FGF13: variants seen among roughly 807,000 people sequenced by gnomAD.
The protein encoded by FGF13 is fibroblast growth factor homologous factor 2.
Under a neutral mutation model 19.5 loss-of-function variants are expected in FGF13, and 2 were observed. That is an observed-to-expected ratio of 0.10 (90% CI 0.04 to 0.32). FGF13 has a LOEUF of 0.32. Ranked by LOEUF, FGF13 falls within the 10% of genes least tolerant of loss-of-function variation. The pLI is 1.00. For synonymous variants in FGF13, 72 were observed against 76.9 expected, an observed-to-expected ratio of 0.94 and a Z score of 0.33; for missense variants, 113 against 192.7, an observed-to-expected ratio of 0.59 and a Z score of 2.45.
At chrX:138,668,675 C>A (rs2089579444) in intron 3 of FGF13, among the ~76,000 whole-genome samples, 1 of 109,175 alleles carries the variant, frequency 9.2e-6, no homozygotes, top group Non-Finnish European at 1.9e-5. Context: ...GAATACAAGA[C>A]AACTACTGAG....
chrX:139,150,680 A>G (rs915794023), intron 1 of FGF13, among the ~76,000 whole-genome samples: 2 of 112,146 alleles, frequency 1.8e-5, no homozygotes, highest in African/African-American at 3.2e-5. Flanking sequence ...ACTGTGCTAG[A>G]TAACTGGCAA....
intron 1 of FGF13, among the ~76,000 whole-genome samples, chrX:139,024,346 C>T: frequency 9.0e-6 from 1 of 111,292 alleles, no homozygotes; most frequent in Admixed American, 9.6e-5. Flanking sequence ...GAGCTCTGGA[C>T]TCCAAGAGCT....
chrX:138,637,728 T>C (rs1272633908), intron 3 of FGF13, among the ~76,000 whole-genome samples: 1 of 111,894 alleles, frequency 8.9e-6, no homozygotes, highest in Non-Finnish European at 1.9e-5. Flanking sequence ...ACAAATGTCA[T>C]AGATACAATG....
At position 138,711,699 on chromosome X, in the gene FGF13, C is replaced by A; in HGVS notation, c.-696G>T. 1.3e-6 allele frequency: 1 copy of A among 753,570 alleles called. No individual in the cohort carries two copies. The highest frequency in any genetic ancestry group is 1.6e-6 in the Non-Finnish European group (1 of 638,354). The allele number at this position is 753,570 out of a possible 1,213,427, so 62.1% of individuals were successfully genotyped here. A position where few individuals can be genotyped will look rare whatever the true frequency, so the allele number is the denominator to read the frequency against. ...CACAGGAATTCAGCCGCCGCAGGCA[C>A]CCTCCGGAACAGCGCGACAGCCTCC... On this transcript the variant is annotated 5_prime_UTR_variant, in exon 1 of 5. Transcript: ENST00000315930.
chrX:138,738,628 G>A (rs1020777721), intron 1 of FGF13, among the ~76,000 whole-genome samples: 1 of 111,451 alleles, frequency 9.0e-6, no homozygotes, highest in Non-Finnish European at 1.9e-5. Context: ...CTGCCTTGCC[G>A]CCATGGAGGA....
chrX:138,993,842 T>A (rs1371091717), intron 1 of FGF13, among the ~76,000 whole-genome samples: 1 of 111,444 alleles, frequency 9.0e-6, no homozygotes, highest in Non-Finnish European at 1.9e-5. Context: ...ATTAAATGAG[T>A]TAAGGTGTAA....
rs185466337 is a variant in FGF13 at position 138,995,402 on chromosome X, T to C, written c.-112-130752A>G. ...TGTCACAGGGGTTTGTTGTAGGTAT[T>C]ATTTCATCACCCAGGTACTAAACCC... On this transcript the variant is annotated intron_variant, in intron 1 of 2. Transcript: ENST00000421460. Among the ~76,000 whole-genome samples, 255 of 111,985 alleles carry C rather than the reference T, an allele frequency of 2.3e-3. 1 individual carries two copies. Among genetic ancestry groups the C allele is most frequent in the African/African-American group, 7.7e-3 (237 of 30,780 alleles).
chrX:138,946,517 T>C (rs983046716), intron 1 of FGF13, among the ~76,000 whole-genome samples: 1 of 112,223 alleles, frequency 8.9e-6, no homozygotes, highest in African/African-American at 3.2e-5. Context: ...TGGGAGTTTG[T>C]CCTGCCTCCA....
intron 1 of FGF13, among the ~76,000 whole-genome samples, chrX:138,957,237 T>C (rs1165357138): frequency 2.7e-5 from 3 of 111,951 alleles, no homozygotes; most frequent in Non-Finnish European, 5.6e-5. Flanking sequence ...GAAGAAACAA[T>C]TAATATATCC....
At chrX:139,100,933 C>G (rs1002677893) in intron 1 of FGF13, among the ~76,000 whole-genome samples, 6 of 111,130 alleles carry the variant, frequency 5.4e-5, no homozygotes, top group African/African-American at 2.0e-4. Context: ...CTACTCTTCT[C>G]CTGTGATACC....
chrX:138,674,215 A>G lies in FGF13; in HGVS notation c.402+28769T>C, dbSNP rs1277048621. Among the ~76,000 whole-genome samples the G allele has an allele frequency of 2.7e-5, 3 of 111,015 alleles. No individual in the cohort carries two copies. The East Asian group carries it at 8.6e-4, about 32-fold the overall frequency. ...TCAGGTTCTTTGTATATGGGAATAC[A>G]CTTAAATCCCTCAACTCTATGACTA... is the stretch of plus-strand genomic sequence containing the variant. On this transcript the variant is annotated intron_variant, in intron 3 of 4. Transcript: ENST00000315930.
chrX:138,740,300 G>A (rs917968273), upstream of FGF13, among the ~76,000 whole-genome samples: 1 of 111,640 alleles, frequency 9.0e-6, no homozygotes, highest in Non-Finnish European at 1.9e-5. Context: ...GAATATTGAA[G>A]AATTACCAAC....
At position 138,812,062 on chromosome X, in the gene FGF13, T is replaced by C. The variant is rs185887448; in HGVS notation, c.217+45450A>G. Among the ~76,000 whole-genome samples the C allele has an allele frequency of 3.6e-5, 4 of 110,066 alleles. No homozygotes were observed. In the East Asian group the frequency reaches 1.2e-3, roughly 32 times the overall value. On this transcript the variant is annotated intron_variant, in intron 3 of 6. Transcript: ENST00000436198. ...AAAGAAACCCCATACCCATTAGCAA[T>C]CACTCTCCATCCCTCCTCCTCCCAG... is the stretch of plus-strand genomic sequence containing the variant.
At chrX:139,017,082 G>GTGTA (rs1556336259) in intron 1 of FGF13, among the ~76,000 whole-genome samples, 1,162 of 101,142 alleles carry the variant, frequency 0.011, 10 homozygotes, top group African/African-American at 0.038. Flanking sequence ...ATACATGTGT[G>GTGTA]TATATATATA....
At chrX:139,009,425 G>A (rs1361881414) in intron 1 of FGF13, among the ~76,000 whole-genome samples, 4 of 111,945 alleles carry the variant, frequency 3.6e-5, no homozygotes, top group African/African-American at 1.3e-4. Context: ...AACCTATGAA[G>A]AAAAACTTAT....
At chrX:138,884,503 G>A (rs1459680782) in intron 1 of FGF13, among the ~76,000 whole-genome samples, 1 of 112,357 alleles carries the variant, frequency 8.9e-6, no homozygotes, top group African/African-American at 3.2e-5. Flanking sequence ...CCAAACTAGT[G>A]AGAAGTGGAG....
chrX:138,812,804 G>T, intron 3 of FGF13, among the ~76,000 whole-genome samples: 1 of 111,041 alleles, frequency 9.0e-6, no homozygotes, highest in Middle Eastern at 4.6e-3. Context: ...GTGTGCCATG[G>T]TGTTTTGCTG....
chrX:138,742,878 A>C (rs10521790), upstream of FGF13, among the ~76,000 whole-genome samples: 997 of 112,201 alleles, frequency 8.9e-3, 13 homozygotes, highest in South Asian at 0.045. Context: ...ACAGATTTGT[A>C]GTACGTTGTT....
intron 3 of FGF13, among the ~76,000 whole-genome samples, chrX:138,690,044 A>T (rs2089823368): frequency 9.0e-6 from 1 of 111,597 alleles, no homozygotes; most frequent in Admixed American, 9.6e-5. Flanking sequence ...CGCTTCCCTT[A>T]CTGGTAAAGA....
Sources: gnomAD v4.1 joint callset for allele counts (sites outside exome capture counted in the v4.1 genomes callset) on GRCh38, gnomAD v4.1.1 for gene constraint, MANE v1.5 for transcripts, NCBI Gene and HGNC (gene_info 2026-07-23, HGNC 2026-07-21) for gene names.